Variants in DMRT1 observed in about 807,000 individuals in gnomAD.
DMRT1 encodes the protein doublesex and mab-3 related transcription factor 1, also known as doublesex- and mab-3-related transcription factor 1.
Under a neutral mutation model 32.3 loss-of-function variants are expected in DMRT1, and 7 were observed. The ratio of observed to expected loss-of-function variants is 0.22; its 90% CI spans 0.12 to 0.41. The LOEUF is 0.41. Ranked by LOEUF, DMRT1 falls within the 10% of genes least tolerant of loss-of-function variation. DMRT1 has a pLI of 1.00. For missense variants in DMRT1, 625 were observed against 500.5 expected (o/e 1.25, Z -2.37); for synonymous variants, 278 against 206.1 (o/e 1.35, Z -2.99).
In DMRT1 at chr9:968,029, T is replaced by C; in HGVS notation, c.1012T>C (p.Ser338Pro). ...TCAAGATTCTGGCTTGGTTTCCCTCTCGAGCAGCTCTCCTATTAGTAACAA... is the reference window on the plus strand; with the variant it reads ...TCAAGATTCTGGCTTGGTTTCCCTCCCGAGCAGCTCTCCTATTAGTAACAA... ...SSQDSGLVSLSSSSPISNKST... is the reference protein window; with the variant it reads ...SSQDSGLVSLPSSSPISNKST... The change falls in exon 5 of 5, where the codon TCG (serine) becomes CCG (proline). Residue 338 changes from serine (S) to proline (P), a missense_variant. Physicochemically the swap from Ser to Pro is moderately conservative, Grantham distance 74. Around this residue, in one of 3 missense-constraint regions of DMRT1, gnomAD observed 416 missense variants for 321.6 expected, o/e 1.29. Transcript: ENST00000382276. 1 of 1,614,158 alleles carries C rather than the reference T, an allele frequency of 6.2e-7. No individual in the cohort carries two copies. The highest frequency in any genetic ancestry group is 1.1e-5 in the South Asian group (1 of 91,080).
At chr9:913,304 ATT>A (rs547616098) in intron 3 of DMRT1, among the ~76,000 whole-genome samples, 246 of 152,288 alleles carry the variant, frequency 1.6e-3, no homozygotes, top group Admixed American at 2.9e-3. Context: ...AGGCTCCATT[ATT>A]TATATTACGG....
At chr9:860,562 G>A (rs1167810142) in intron 2 of DMRT1, among the ~76,000 whole-genome samples, 1 of 152,164 alleles carries the variant, frequency 6.6e-6, no homozygotes, top group Non-Finnish European at 1.5e-5. Context: ...ATATATAGCA[G>A]TGCATATATC....
chr9:846,852 C>T, intron 1 of DMRT1, 108 bp from the exon 2 acceptor site: 4 of 1,350,036 alleles, frequency 3.0e-6, no homozygotes, highest in Non-Finnish European at 4.2e-6. Flanking sequence ...TTTCAGACCT[C>T]ACCTCCAGAG....
intron 2 of DMRT1, among the ~76,000 whole-genome samples, chr9:858,631 T>C (rs898604344): frequency 2.6e-5 from 4 of 152,088 alleles, no homozygotes; most frequent in Non-Finnish European, 4.4e-5. Context: ...CCCAGCACTT[T>C]GGGAGGCCGA....
At chr9:882,763 T>A in intron 2 of DMRT1, among the ~76,000 whole-genome samples, 1 of 146,810 alleles carries the variant, frequency 6.8e-6, no homozygotes, top group East Asian at 2.0e-4. Flanking sequence ...CCTGAATCTT[T>A]TTTTTTTTTT....
At position 869,096 on chromosome 9, in the gene DMRT1, GATAT is replaced by G. The variant is rs563208558; in HGVS notation, c.538+21955_538+21958del. On this transcript the variant is annotated intron_variant, in intron 2 of 4. Transcript: ENST00000382276. Reference sequence around the variant, plus strand: ...GTGCAGCTTCTCTTGGTAAAACTCTGATATAGTTTAGGGATGGTTGAGGCTTCTG... The same window carrying G: ...GTGCAGCTTCTCTTGGTAAAACTCTGAGTTTAGGGATGGTTGAGGCTTCTG... Among the ~76,000 whole-genome samples the G allele has an allele frequency of 2.4e-3, 373 of 152,296 alleles. 1 individual carries two copies. The highest frequency in any genetic ancestry group is 8.7e-3 in the African/African-American group (363 of 41,562).
intron 3 of DMRT1, among the ~76,000 whole-genome samples, chr9:915,763 C>T (rs142448605): frequency 0.013 from 1,940 of 150,160 alleles, 59 homozygotes; most frequent in African/African-American, 0.046. Context: ...GACAGAGTCT[C>T]GCTCTGTCGC....
At chr9:853,528 A>G (rs1234134093) in intron 2 of DMRT1, among the ~76,000 whole-genome samples, 1 of 145,148 alleles carries the variant, frequency 6.9e-6, no homozygotes, top group Non-Finnish European at 1.5e-5. Flanking sequence ...GCTGGGGTGT[A>G]GTGGTGTGAT....
chr9:945,940 G>A (rs183613832), intron 4 of DMRT1, among the ~76,000 whole-genome samples: 33 of 152,120 alleles, frequency 2.2e-4, no homozygotes, highest in African/African-American at 7.2e-4. Flanking sequence ...CATAAGGGGT[G>A]TTGTAGTCAA....
intron 4 of DMRT1, among the ~76,000 whole-genome samples, chr9:924,086 T>C (rs1253860709): frequency 6.3e-5 from 5 of 79,378 alleles, no homozygotes; most frequent in Admixed American, 1.1e-4. Context: ...TTTTTTTTTT[T>C]TTCCACCTGG....
intron 4 of DMRT1, among the ~76,000 whole-genome samples, chr9:925,688 G>A (rs566228983): frequency 2.6e-5 from 4 of 152,192 alleles, no homozygotes; most frequent in South Asian, 4.2e-4. Context: ...ACAAACACAC[G>A]TGCAGCTCCT....
At chr9:893,245 C>G (rs56357977) in intron 2 of DMRT1, among the ~76,000 whole-genome samples, 10,551 of 152,280 alleles carry the variant, frequency 0.069, 741 homozygotes, top group African/African-American at 0.18. Context: ...ACAATAAACA[C>G]TTTAATGTCT....
chr9:952,506 G>C (rs1438046539), intron 4 of DMRT1, among the ~76,000 whole-genome samples: 1 of 152,208 alleles, frequency 6.6e-6, no homozygotes, highest in Non-Finnish European at 1.5e-5. Flanking sequence ...TTCCCAGGAA[G>C]CTTGCGCCTA....
chr9:907,182 C>G (rs978997478), intron 3 of DMRT1, among the ~76,000 whole-genome samples: 1 of 152,248 alleles, frequency 6.6e-6, no homozygotes, highest in East Asian at 1.9e-4. Context: ...GAGAGTGGAG[C>G]GTGCTGATCA....
Position 877,809 on chromosome 9 carries a change from ATTATTTTTCCT to A in DMRT1, c.539-16095_539-16085del, listed in dbSNP as rs150241233. On this transcript the variant is annotated intron_variant, in intron 2 of 4. Transcript: ENST00000382276. ...TCAGCTCCCACACAATGGAGAGTTGATTATTTTTCCTTTATTTTAGGGAAGGTAAAAGTCCA... is the reference window on the plus strand; with the variant it reads ...TCAGCTCCCACACAATGGAGAGTTGATTATTTTAGGGAAGGTAAAAGTCCA... 8.3e-3 allele frequency among the ~76,000 whole-genome samples: 1,269 copies of A among 152,302 alleles called. 19 individuals are homozygous for A. Among genetic ancestry groups the A allele is most frequent in the African/African-American group, 0.028 (1,182 of 41,552 alleles).
intron 3 of DMRT1, among the ~76,000 whole-genome samples, chr9:912,024 G>A (rs564154813): frequency 6.6e-6 from 1 of 152,254 alleles, no homozygotes; most frequent in African/African-American, 2.4e-5. Context: ...TAAAAAAAGA[G>A]GTCTAATTAA....
In DMRT1 at chr9:916,838, C is replaced by G. The variant is rs1336821012; in HGVS notation, c.898C>G (p.Leu300Val). The change falls in exon 4 of 5, where the codon CTG becomes GTG. Residue 300 changes from leucine to valine, a missense_variant. Physicochemically the swap from Leu to Val is conservative, Grantham distance 32. This residue lies in a region of DMRT1 where 416 missense variants were observed against 321.6 expected (regional missense o/e 1.29). Transcript: ENST00000382276. ...MHSYYPPPSY[L>V]GQSVPQFFTF... ...TTCTTACTACCCGCCTCCCTCTTACCTGGGCCAGAGCGTGCCCCAGTTCTT... is the reference window on the plus strand; with the variant it reads ...TTCTTACTACCCGCCTCCCTCTTACGTGGGCCAGAGCGTGCCCCAGTTCTT... 4 of 1,614,214 alleles carry G rather than the reference C, an allele frequency of 2.5e-6. No homozygotes were observed. In the African/African-American group the frequency reaches 4.0e-5, roughly 16 times the overall value.
intron 3 of DMRT1, among the ~76,000 whole-genome samples, chr9:900,939 G>C (rs890904610): frequency 6.6e-6 from 1 of 151,942 alleles, no homozygotes; most frequent in Non-Finnish European, 1.5e-5. Context: ...TGAGCCTCCT[G>C]CCTCAGCCTC....
intron 4 of DMRT1, among the ~76,000 whole-genome samples, chr9:922,113 A>C (rs922693820): frequency 1.3e-5 from 2 of 152,036 alleles, no homozygotes; most frequent in African/African-American, 4.8e-5. Flanking sequence ...TCCTGGGCTC[A>C]AGCGATCCTC....
Sources: gnomAD v4.1 joint callset for allele counts (sites outside exome capture counted in the v4.1 genomes callset) on GRCh38, gnomAD v4.1.1 for gene constraint, gnomAD v4.1.1 regional missense constraint, MANE v1.5 for transcripts, NCBI Gene and HGNC (gene_info 2026-07-23, HGNC 2026-07-21) for gene names.